KAT6A: variants seen among roughly 807,000 people sequenced by gnomAD.
KAT6A encodes lysine acetyltransferase 6A, also known as histone acetyltransferase KAT6A.
Under a neutral mutation model 198.4 loss-of-function variants are expected in KAT6A, and 9 were observed. The observed-to-expected ratio is 0.05, with a 90% confidence interval of 0.03 to 0.08. The LOEUF (loss-of-function observed/expected upper bound fraction) is 0.08, where lower values mean the gene tolerates loss of function less well. Among genes scored for constraint, KAT6A ranks in the 10% least tolerant of loss-of-function variants. The probability of loss-of-function intolerance (pLI) is 1.00; values close to 1 mark genes in which losing one functional copy is unlikely to be tolerated. For synonymous variants in KAT6A, 890 were observed against 883.0 expected, an observed-to-expected ratio of 1.01 and a Z score of -0.14; for missense variants, 2,077 against 2,509.9, an observed-to-expected ratio of 0.83 and a Z score of 3.69.
intron 2 of KAT6A, among the ~76,000 whole-genome samples, chr8:42,029,356 G>C (rs1363662249): frequency 6.6e-6 from 1 of 152,032 alleles, no homozygotes; most frequent in East Asian, 1.9e-4. Flanking sequence ...TATTATTTCA[G>C]TAATAATTCT....
In KAT6A at chr8:41,942,916, T is replaced by C; in HGVS notation, c.2313A>G (p.Pro771=). Residue 771 remains proline (P), a synonymous_variant, in exon 14 of 17, where the codon CCA becomes CCG. Transcript: ENST00000265713. ...TGACTGGAGTCCAGCGCAAACATTC[T>C]GGATCTACATCTACAGGTCGCAAAT... ...QLNLRPVDVD[P]ECLRWTPVIV... The C allele has an allele frequency of 6.2e-7, 1 of 1,614,180 alleles. No individual in the cohort carries two copies.
chr8:41,972,353 G>T (rs1823837599), intron 8 of KAT6A, among the ~76,000 whole-genome samples: 1 of 152,186 alleles, frequency 6.6e-6, no homozygotes, highest in East Asian at 1.9e-4. Flanking sequence ...AAAGTTTGAT[G>T]AAAAACAGGT....
At chr8:42,001,928 GT>G (rs1406182998) in intron 2 of KAT6A, among the ~76,000 whole-genome samples, 2 of 152,128 alleles carry the variant, frequency 1.3e-5, no homozygotes, top group Non-Finnish European at 2.9e-5. Flanking sequence ...ATTGTTTTTA[GT>G]TTTAATGGAA....
intron 2 of KAT6A, among the ~76,000 whole-genome samples, chr8:42,032,481 G>A (rs1247507572): frequency 6.6e-6 from 1 of 152,038 alleles, no homozygotes. Context: ...GTCCCGATTG[G>A]CTAAAGTTAT....
At chr8:42,007,219 T>G (rs890670263) in intron 2 of KAT6A, among the ~76,000 whole-genome samples, 4 of 152,036 alleles carry the variant, frequency 2.6e-5, no homozygotes, top group Admixed American at 6.6e-5. Context: ...CAACATAGAG[T>G]AGTGCTGAGA....
At chr8:42,048,093 T>G (rs780254482) in intron 2 of KAT6A, among the ~76,000 whole-genome samples, 1 of 151,958 alleles carries the variant, frequency 6.6e-6, no homozygotes, top group Non-Finnish European at 1.5e-5. Context: ...AAAAAAAAAT[T>G]TAAAAAAAAG....
chr8:41,934,357 T>A lies in KAT6A; in HGVS notation c.3863A>T (p.Glu1288Val). Residue 1288 changes from glutamate (E) to valine (V), a missense_variant, in exon 17 of 17, where the codon GAG becomes GTG. Coordinates refer to ENST00000265713, the MANE Select transcript of KAT6A (RefSeq NM_006766.5). Reference protein sequence around the residue: ...RVSEEQRQSEEEQQELEEPEP... With the variant: ...RVSEEQRQSEVEQQELEEPEP... ...TGGCTCCTCTAATTCCTGCTGCTCC[T>A]CCTCTGACTGCCTCTGCTCCTCTGA... The A allele has an allele frequency of 6.2e-7, 1 of 1,613,974 alleles. No homozygotes were observed. Among genetic ancestry groups the A allele is most frequent in the Non-Finnish European group, 8.5e-7 (1 of 1,179,918 alleles).
chr8:41,938,337 CTTTTTT>C (rs1300525281), intron 15 of KAT6A, among the ~76,000 whole-genome samples: 2 of 152,078 alleles, frequency 1.3e-5, no homozygotes, highest in Non-Finnish European at 2.9e-5. Context: ...TGTTCTTTTT[CTTTTTT>C]TAACATGATT....
intron 15 of KAT6A, among the ~76,000 whole-genome samples, chr8:41,939,216 G>A (rs980256141): frequency 1.3e-5 from 2 of 152,160 alleles, no homozygotes; most frequent in Non-Finnish European, 2.9e-5. Context: ...CTCTGAGGGG[G>A]TAGAAATCTT....
At chr8:41,952,138 T>C (rs1184780077) in intron 9 of KAT6A, among the ~76,000 whole-genome samples, 1 of 152,266 alleles carries the variant, frequency 6.6e-6, no homozygotes, top group African/African-American at 2.4e-5. Context: ...CTTCCATCAA[T>C]TTTACTCAAT....
intron 2 of KAT6A, among the ~76,000 whole-genome samples, chr8:42,017,023 T>C (rs921910404): frequency 1.3e-5 from 2 of 152,154 alleles, no homozygotes; most frequent in Non-Finnish European, 2.9e-5. Flanking sequence ...AGATACTTGA[T>C]AGAGACTACT....
rs763616788 is a variant in KAT6A at position 41,933,784 on chromosome 8, T to C, written c.4436A>G (p.His1479Arg). The C allele has an allele frequency of 5.6e-6, 9 of 1,614,020 alleles. No homozygotes were observed. The highest frequency in any genetic ancestry group is 6.8e-6 in the Non-Finnish European group (8 of 1,180,034). The change falls in exon 17 of 17, where the codon CAT (histidine) becomes CGT (arginine). Residue 1479 changes from histidine (H) to arginine (R), a missense_variant. Around this residue, in one of 13 missense-constraint regions of KAT6A, gnomAD observed 178 missense variants for 220.8 expected, o/e 0.81. Coordinates refer to ENST00000265713, the MANE Select transcript of KAT6A (RefSeq NM_006766.5). This position sits in a 1 kb window ranked among gnomAD's most constrained non-coding sequence, Gnocchi z 6.2. Reference sequence around the variant, plus strand: ...CTGAACGGAGGAGATAGGGCTATTATGTTCTGACGCATGACAGTCTTCAAC... The same window carrying C: ...CTGAACGGAGGAGATAGGGCTATTACGTTCTGACGCATGACAGTCTTCAAC... The part of the protein sequence containing the change: ...SMVEDCHASE[H>R]NSPISSVQSH...
At chr8:42,042,196 C>T (rs761898295) in intron 2 of KAT6A, among the ~76,000 whole-genome samples, 7 of 152,214 alleles carry the variant, frequency 4.6e-5, no homozygotes, top group East Asian at 1.9e-4. Flanking sequence ...CGGTGGCTCA[C>T]GCCTATAATC....
rs1372848894 is a variant in KAT6A, at chr8:41,977,080, C to A, written c.1291G>T (p.Val431Leu). The change falls in exon 7 of 17, where the codon GTG becomes TTG. Residue 431 changes from valine (V) to leucine (L), a missense_variant. This residue lies in a region of KAT6A where 206 missense variants were observed against 214.9 expected (regional missense o/e 0.96). Coordinates refer to ENST00000265713, the MANE Select transcript of KAT6A (RefSeq NM_006766.5). ...ATTCGATATTGCTCAGAGTAGTCCA[C>A]CACTTCCCCCCGAGCTTTCCGCCCA... ...PDGRKARGEV[V>L]DYSEQYRIRK... 7 of 1,614,062 alleles carry A rather than the reference C, an allele frequency of 4.3e-6. No individual in the cohort carries two copies. Among genetic ancestry groups the A allele is most frequent in the Non-Finnish European group, 5.9e-6 (7 of 1,180,020 alleles).
intron 2 of KAT6A, among the ~76,000 whole-genome samples, chr8:42,009,303 C>A (rs1369355621): frequency 6.6e-6 from 1 of 151,816 alleles, no homozygotes; most frequent in Non-Finnish European, 1.5e-5. Context: ...AAAGGTAATG[C>A]TATTAGTTTA....
intron 2 of KAT6A, among the ~76,000 whole-genome samples, chr8:41,997,514 T>C (rs1430555701): frequency 1.3e-5 from 2 of 152,252 alleles, no homozygotes; most frequent in South Asian, 4.1e-4. Flanking sequence ...AGTTATCTTT[T>C]AATCCAATTG....
chr8:41,994,232 A>G (rs1359529414), intron 2 of KAT6A, among the ~76,000 whole-genome samples: 1 of 152,238 alleles, frequency 6.6e-6, no homozygotes, highest in Admixed American at 6.5e-5. Flanking sequence ...CAGCAGCCAC[A>G]GTGAATCTGT....
At chr8:42,012,690 T>A (rs1826079545) in intron 2 of KAT6A, among the ~76,000 whole-genome samples, 1 of 152,214 alleles carries the variant, frequency 6.6e-6, no homozygotes, top group Admixed American at 6.5e-5. Flanking sequence ...GTTTTAAAGC[T>A]ATCCAGTTTC....
chr8:41,969,299 A>G (rs13282703), intron 8 of KAT6A, among the ~76,000 whole-genome samples: 41,851 of 152,092 alleles, frequency 0.28, 6,891 homozygotes, highest in African/African-American at 0.43. Flanking sequence ...TTTCTGCACT[A>G]TATTTATGAA....
Sources: gnomAD v4.1 joint callset for allele counts (sites outside exome capture counted in the v4.1 genomes callset) on GRCh38, gnomAD v4.1.1 for gene constraint, gnomAD v4.1.1 regional missense constraint, Gnocchi (gnomAD v3.1) non-coding constraint, MANE v1.5 for transcripts, NCBI Gene and HGNC (gene_info 2026-07-23, HGNC 2026-07-21) for gene names.